Variants in SYBU observed in about 807,000 individuals in gnomAD.
The protein encoded by SYBU is syntabulin, also known as GOLSYN A protein.
Under a neutral mutation model 35.9 loss-of-function variants are expected in SYBU, and 21 were observed. The observed-to-expected ratio is 0.58, with a 90% CI of 0.41 to 0.84. The LOEUF (loss-of-function observed/expected upper bound fraction) is 0.84. SYBU is among the 40% of genes least tolerant of loss of function. The probability of loss-of-function intolerance (pLI) is 0.00; values close to 1 mark genes in which losing one functional copy is unlikely to be tolerated. For synonymous variants in SYBU, 319 were observed against 324.3 expected (o/e 0.98, Z 0.18); for missense variants, 768 against 848.2 (o/e 0.91, Z 1.17).
In SYBU at chr8:109,575,709, G is replaced by T. The variant is rs772821201; in HGVS notation, c.1189C>A (p.Pro397Thr). The stretch of plus-strand genomic sequence containing the variant: ...GGGTTGAGGGTTAAGCTCTTCTCTG[G>T]GGAATCACATGGAAAGTCTAGGCAC... ...ELCLDFPCDS[P>T]EKSLTLNPPL... Residue 397 changes from proline (P) to threonine (T), a missense_variant, in exon 7 of 7, where the codon CCA becomes ACA. Pro to Thr is a conservative substitution (Grantham distance 38, BLOSUM62 -1). Transcript: ENST00000276646. 1.2e-6 allele frequency: 2 copies of T among 1,614,094 alleles called. No individual in the cohort carries two copies. The highest frequency in any genetic ancestry group is 1.7e-6 in the Non-Finnish European group (2 of 1,180,016).
chr8:109,625,080 T>C (rs748654245), intron 2 of SYBU, among the ~76,000 whole-genome samples: 25 of 152,190 alleles, frequency 1.6e-4, no homozygotes, highest in Admixed American at 6.5e-5. Flanking sequence ...GGAATTATGT[T>C]AATCATGTTA....
intron 1 of SYBU, among the ~76,000 whole-genome samples, chr8:109,656,612 C>T (rs28720787): frequency 0.064 from 9,796 of 152,260 alleles, 869 homozygotes; most frequent in African/African-American, 0.2. Context: ...TACAGACTTA[C>T]GCTTTTACTA....
At chr8:109,635,327 A>G (rs186123024) in intron 2 of SYBU, among the ~76,000 whole-genome samples, 1 of 152,282 alleles carries the variant, frequency 6.6e-6, no homozygotes, top group Admixed American at 6.5e-5. Context: ...AAGTGGAGAC[A>G]TTGTCACACC....
At chr8:109,607,496 G>A (rs1260109391) in intron 3 of SYBU, among the ~76,000 whole-genome samples, 3 of 152,086 alleles carry the variant, frequency 2.0e-5, no homozygotes, top group African/African-American at 4.8e-5. Context: ...GCCAATTAGC[G>A]TTAATTGTGG....
chr8:109,668,770 A>G (rs1486903603), intron 1 of SYBU, among the ~76,000 whole-genome samples: 1 of 152,234 alleles, frequency 6.6e-6, no homozygotes, highest in Non-Finnish European at 1.5e-5. Context: ...CAAACTTGAC[A>G]GTCCTTCAAA....
At chr8:109,632,881 T>A (rs1034146770) in intron 2 of SYBU, among the ~76,000 whole-genome samples, 2 of 152,238 alleles carry the variant, frequency 1.3e-5, no homozygotes, top group African/African-American at 2.4e-5. Flanking sequence ...GTACAGGTAC[T>A]GCCTGGAATA....
At chr8:109,597,032 C>A (rs1024737109) in intron 3 of SYBU, among the ~76,000 whole-genome samples, 7 of 152,024 alleles carry the variant, frequency 4.6e-5, no homozygotes, top group African/African-American at 1.7e-4. Context: ...TTTTAGGGTC[C>A]AATATGCCTA....
intron 3 of SYBU, among the ~76,000 whole-genome samples, chr8:109,598,937 C>T (rs960408762): frequency 6.6e-6 from 1 of 152,126 alleles, no homozygotes; most frequent in African/African-American, 2.4e-5. Flanking sequence ...GGTCACACAG[C>T]CCTTATGTGG....
At chr8:109,659,633 A>T (rs1230527244) in intron 1 of SYBU, among the ~76,000 whole-genome samples, 1 of 152,176 alleles carries the variant, frequency 6.6e-6, no homozygotes, top group Non-Finnish European at 1.5e-5. Context: ...GAGCACTTCA[A>T]TTCTGCCTGC....
intron 3 of SYBU, among the ~76,000 whole-genome samples, chr8:109,618,480 C>T (rs1366312376): frequency 1.3e-5 from 2 of 152,168 alleles, no homozygotes; most frequent in Non-Finnish European, 1.5e-5. Context: ...GTTCTCTTCA[C>T]GGTTTGTGGT....
intron 1 of SYBU, among the ~76,000 whole-genome samples, chr8:109,668,654 C>CT (rs1205486812): frequency 6.6e-6 from 1 of 152,108 alleles, no homozygotes; most frequent in Non-Finnish European, 1.5e-5. Flanking sequence ...CATGGTATTA[C>CT]TAAAAATAGC....
intron 1 of SYBU, among the ~76,000 whole-genome samples, chr8:109,687,872 C>T (rs1345348058): frequency 6.6e-6 from 1 of 152,074 alleles, no homozygotes; most frequent in African/African-American, 2.4e-5. Flanking sequence ...TGGATCTTCC[C>T]AATAATTAAA....
chr8:109,651,865 T>A (rs1816155718), intron 1 of SYBU, among the ~76,000 whole-genome samples: 1 of 152,218 alleles, frequency 6.6e-6, no homozygotes, highest in South Asian at 2.1e-4. Context: ...AAGTTTTCTC[T>A]CGATGACTTA....
intron 1 of SYBU, among the ~76,000 whole-genome samples, chr8:109,650,891 C>T (rs1488547270): frequency 2.0e-5 from 3 of 152,156 alleles, no homozygotes; most frequent in Non-Finnish European, 4.4e-5. Context: ...TATCTCATTG[C>T]CTTAACATCA....
chr8:109,678,445 T>C (rs1817281953), intron 1 of SYBU, among the ~76,000 whole-genome samples: 1 of 142,998 alleles, frequency 7.0e-6, no homozygotes, highest in Non-Finnish European at 1.5e-5. Flanking sequence ...TTTTTTTTTT[T>C]TTTTTTTTTT....
At chr8:109,577,233 G>A (rs1172320835) in intron 6 of SYBU, among the ~76,000 whole-genome samples, 2 of 152,100 alleles carry the variant, frequency 1.3e-5, no homozygotes, top group Non-Finnish European at 2.9e-5. Flanking sequence ...TGAGCTCACA[G>A]CTACCCTGGT....
Position 109,617,418 on chromosome 8 carries a change from A to C in SYBU, c.427+1424T>G, listed in dbSNP as rs539886539. On this transcript the variant is annotated intron_variant, in intron 3 of 6. Transcript: ENST00000276646. The stretch of plus-strand genomic sequence containing the variant: ...TAGTAAATGGTGATGTTTGCACAAC[A>C]GTTTGAATAGGCTAAAAACTATTGA... 1.1e-4 allele frequency among the ~76,000 whole-genome samples: 16 copies of C among 152,346 alleles called. 1 individual carries two copies. The South Asian group carries it at 3.3e-3, about 32-fold the overall frequency.
At chr8:109,675,510 C>T (rs888386763) in intron 1 of SYBU, among the ~76,000 whole-genome samples, 3 of 152,176 alleles carry the variant, frequency 2.0e-5, no homozygotes, top group Non-Finnish European at 4.4e-5. Flanking sequence ...CTATAAACAC[C>T]TCTACACATA....
At chr8:109,642,674 GC>G (rs1249133521) in intron 2 of SYBU, 53 bp downstream of exon 2, 10 of 1,299,230 alleles carry the variant, frequency 7.7e-6, no homozygotes. Flanking sequence ...CATTCACAAT[GC>G]ACCTGCAGTG....
Sources: gnomAD v4.1 joint callset for allele counts (sites outside exome capture counted in the v4.1 genomes callset) on GRCh38, gnomAD v4.1.1 for gene constraint, MANE v1.5 for transcripts, NCBI Gene and HGNC (gene_info 2026-07-23, HGNC 2026-07-21) for gene names.